The following RGL1 variants were observed in gnomAD, a reference collection of about 807,000 sequenced individuals.
RGL1 encodes ral guanine nucleotide dissociation stimulator-like 1.
RGL1 carries 24 observed loss-of-function variants against 95.2 expected under a neutral mutation model. The ratio of observed to expected loss-of-function variants is 0.25; its 90% confidence interval spans 0.18 to 0.35. The LOEUF (loss-of-function observed/expected upper bound fraction) is 0.35. Ranked by LOEUF, RGL1 falls within the 10% of genes least tolerant of loss-of-function variation. The pLI is 1.00. For missense variants in RGL1, 715 were observed against 936.3 expected, an observed-to-expected ratio of 0.76 and a Z score of 3.08; for synonymous variants, 329 against 344.9, an observed-to-expected ratio of 0.95 and a Z score of 0.51.
At chr1:183,880,529 G>A in intron 4 of RGL1, 87 bp from the exon 5 acceptor site, 2 of 1,201,138 alleles carry the variant, frequency 1.7e-6, no homozygotes, top group Non-Finnish European at 2.4e-6. Context: ...TTCCAGGGGT[G>A]CCCCTGGGGT....
intron 12 of RGL1, 22 bp from the exon 13 acceptor site, chr1:183,904,828 T>G: frequency 6.3e-7 from 1 of 1,580,260 alleles, no homozygotes; most frequent in Non-Finnish European, 8.6e-7. Flanking sequence ...TTTTTTAATT[T>G]TTGGTATTCT....
intron 1 of RGL1, among the ~76,000 whole-genome samples, chr1:183,683,471 T>C (rs942159741): frequency 3.3e-5 from 5 of 152,222 alleles, no homozygotes; most frequent in Non-Finnish European, 7.3e-5. Flanking sequence ...ATTCTTTTCT[T>C]TAAGAATGTT....
intron 1 of RGL1, among the ~76,000 whole-genome samples, chr1:183,695,773 A>G (rs1385324087): frequency 6.6e-6 from 1 of 152,240 alleles, no homozygotes; most frequent in Non-Finnish European, 1.5e-5. Context: ...AACCAGTAAC[A>G]TTAACGAAGC....
chr1:183,638,900 G>A (rs1254387879), intron 1 of RGL1, among the ~76,000 whole-genome samples: 6 of 152,142 alleles, frequency 3.9e-5, no homozygotes, highest in Admixed American at 3.3e-4. Flanking sequence ...GCTATAATAG[G>A]TCTTTCTTTT....
intron 4 of RGL1, among the ~76,000 whole-genome samples, chr1:183,867,302 C>T (rs546923314): frequency 6.6e-6 from 1 of 151,960 alleles, no homozygotes; most frequent in Non-Finnish European, 1.5e-5. Context: ...GAGCGTCTGG[C>T]AGAGGAGACT....
At chr1:183,819,612 A>C (rs1662316823) in intron 2 of RGL1, among the ~76,000 whole-genome samples, 1 of 152,136 alleles carries the variant, frequency 6.6e-6, no homozygotes, top group Non-Finnish European at 1.5e-5. Flanking sequence ...TCCCAAATGT[A>C]ATTGGCTCCA....
chr1:183,647,239 ACTGGTTTG>A (rs1218795873), intron 1 of RGL1: 1 of 154,228 alleles, frequency 6.5e-6, no homozygotes, highest in African/African-American at 2.4e-5. Flanking sequence ...ATAGAAAATC[ACTGGTTTG>A]CTCCTGCAAA....
chr1:183,865,933 A>T (rs1046798203), intron 3 of RGL1, 63 bp from the exon 4 acceptor site: 6 of 1,083,564 alleles, frequency 5.5e-6, no homozygotes, highest in Non-Finnish European at 7.2e-6. Context: ...GTTGAAGTTG[A>T]ATAGAGTTGC....
At chr1:183,914,763 A>G (rs530286246) in intron 15 of RGL1, among the ~76,000 whole-genome samples, 62 of 152,340 alleles carry the variant, frequency 4.1e-4, no homozygotes, top group African/African-American at 1.4e-3. Context: ...GCTATAACCC[A>G]GGCATATTCT....
At chr1:183,815,083 C>T (rs999325124) in intron 2 of RGL1, among the ~76,000 whole-genome samples, 2 of 152,088 alleles carry the variant, frequency 1.3e-5, no homozygotes, top group Non-Finnish European at 2.9e-5. Context: ...ACCAGCCTGG[C>T]CAACATGGTG....
intron 1 of RGL1, among the ~76,000 whole-genome samples, chr1:183,728,392 TAC>T (rs1052092512): frequency 2.6e-5 from 4 of 152,156 alleles, no homozygotes; most frequent in African/African-American, 9.7e-5. Context: ...CCAATTTATA[TAC>T]ATATATAGTT....
intron 1 of RGL1, among the ~76,000 whole-genome samples, chr1:183,660,333 C>A (rs1257656758): frequency 1.3e-5 from 2 of 151,958 alleles, no homozygotes; most frequent in African/African-American, 4.8e-5. Flanking sequence ...CAGAGACACA[C>A]AGAGGCTCAA....
intron 2 of RGL1, among the ~76,000 whole-genome samples, chr1:183,842,302 A>G (rs1336961820): frequency 6.6e-6 from 1 of 150,432 alleles, no homozygotes; most frequent in Non-Finnish European, 1.5e-5. Flanking sequence ...AAACTATCAG[A>G]TGACTGAATT....
At chr1:183,644,948 G>T (rs1650183437) in intron 1 of RGL1, among the ~76,000 whole-genome samples, 1 of 152,166 alleles carries the variant, frequency 6.6e-6, no homozygotes, top group Admixed American at 6.5e-5. Context: ...GGTCATAGAG[G>T]TTTGTGTTGT....
chr1:183,643,011 CAT>C (rs1650032477), intron 1 of RGL1, among the ~76,000 whole-genome samples: 1 of 152,190 alleles, frequency 6.6e-6, no homozygotes, highest in South Asian at 2.1e-4. Context: ...TAAGTGGAAT[CAT>C]GTGGTGTTTG....
intron 1 of RGL1, among the ~76,000 whole-genome samples, chr1:183,732,042 C>T (rs979221777): frequency 4.6e-5 from 7 of 152,132 alleles, no homozygotes; most frequent in African/African-American, 1.4e-4. Flanking sequence ...CTTCCTGTGA[C>T]AGCATGGTGC....
At position 183,816,445 on chromosome 1, in the gene RGL1, G is replaced by A. The variant is rs769273782; in HGVS notation, c.138+9960G>A. On this transcript the variant is annotated intron_variant, in intron 2 of 17. Coordinates refer to ENST00000360851, the MANE Select transcript of RGL1 (RefSeq NM_001297671.3). ...GATAAAATTTCTTACTGTGCTACAC[G>A]TTGATTAGCTTATACAGTGCCTGAG... Among the ~76,000 whole-genome samples the A allele has an allele frequency of 7.2e-5, 11 of 152,224 alleles. No individual in the cohort carries two copies. In the South Asian group the frequency reaches 1.0e-3, roughly 14 times the overall value.
At chr1:183,707,502 A>G (rs144762380) in intron 1 of RGL1, among the ~76,000 whole-genome samples, 632 of 152,282 alleles carry the variant, frequency 4.2e-3, no homozygotes, top group Non-Finnish European at 6.4e-3. Context: ...TGGGCCAAAG[A>G]TGGCACCTGA....
chr1:183,883,395 T>A (rs1666932430), intron 5 of RGL1, among the ~76,000 whole-genome samples: 1 of 152,214 alleles, frequency 6.6e-6, no homozygotes, highest in Non-Finnish European at 1.5e-5. Flanking sequence ...GGCTTCTGGT[T>A]ATAAGTCGCC....
Sources: gnomAD v4.1 joint callset for allele counts (sites outside exome capture counted in the v4.1 genomes callset) on GRCh38, gnomAD v4.1.1 for gene constraint, MANE v1.5 for transcripts, NCBI Gene and HGNC (gene_info 2026-07-23, HGNC 2026-07-21) for gene names.